Variants in NHEJ1 observed in about 807,000 individuals in gnomAD.
The protein encoded by NHEJ1 is non-homologous end joining factor 1, also known as non-homologous end-joining factor 1.
A neutral mutation model predicts 39.4 loss-of-function variants in NHEJ1; 22 were observed. That is an observed-to-expected ratio of 0.56 (90% confidence interval 0.40 to 0.80). The LOEUF is 0.80. NHEJ1 is among the 30% of genes least tolerant of loss of function. NHEJ1 has a pLI of 0.00. For missense variants in NHEJ1, 329 were observed against 357.1 expected (o/e 0.92, Z 0.63); for synonymous variants, 154 against 135.6 (o/e 1.14, Z -0.94).
chr2:219,127,491 C>T (rs1163676462), intron 5 of NHEJ1, among the ~76,000 whole-genome samples: 1 of 152,178 alleles, frequency 6.6e-6, no homozygotes. Context: ...CAGCAACCTC[C>T]AAAGAGGGCT....
chr2:219,136,893 G>A (rs1190743673), intron 5 of NHEJ1, among the ~76,000 whole-genome samples: 2 of 151,986 alleles, frequency 1.3e-5, no homozygotes, highest in Admixed American at 6.6e-5. Flanking sequence ...CTGAGCCACC[G>A]CACCTGGCCC....
chr2:219,089,407 A>C (rs1234079495), intron 5 of NHEJ1, among the ~76,000 whole-genome samples: 1 of 152,244 alleles, frequency 6.6e-6, no homozygotes, highest in East Asian at 1.9e-4. Context: ...GTTCTACCAT[A>C]AGAAGGAATA....
chr2:219,159,523 A>ATATG (rs1949893590), intron 1 of NHEJ1, among the ~76,000 whole-genome samples: 1 of 23,200 alleles, frequency 4.3e-5, no homozygotes, highest in Admixed American at 5.0e-4. Flanking sequence ...TTATATATAT[A>ATATG]TGCATATATA....
chr2:219,100,241 A>G (rs979290929), intron 5 of NHEJ1, among the ~76,000 whole-genome samples: 2 of 152,188 alleles, frequency 1.3e-5, no homozygotes, highest in Admixed American at 1.3e-4. Context: ...TCGACCAAAC[A>G]GATACAAATC....
intron 5 of NHEJ1, among the ~76,000 whole-genome samples, chr2:219,118,086 T>G (rs1481273558): frequency 6.6e-6 from 1 of 152,140 alleles, no homozygotes; most frequent in Admixed American, 6.5e-5. Flanking sequence ...AAAGATAATT[T>G]CCTAGGGGAG....
chr2:219,153,705 G>C (rs1292906337), intron 3 of NHEJ1, among the ~76,000 whole-genome samples: 16 of 114,824 alleles, frequency 1.4e-4, no homozygotes, highest in Admixed American at 3.7e-4. Flanking sequence ...GGGGGGGGGT[G>C]GAGAGAGAGA....
intron 5 of NHEJ1, among the ~76,000 whole-genome samples, chr2:219,127,899 ACTGGAAAATAAAC>A (rs1949540031): frequency 6.6e-6 from 1 of 152,226 alleles, no homozygotes; most frequent in Admixed American, 6.5e-5. Context: ...GAACCTTGGC[ACTGGAAAATAAAC>A]CTTTAGTCCA....
chr2:219,153,696 G>C lies in NHEJ1; in HGVS notation c.390+3776C>G, dbSNP rs913194964. 1.6e-4 allele frequency among the ~76,000 whole-genome samples: 21 copies of C among 128,590 alleles called. 4 individuals are homozygous for C. The highest frequency in any genetic ancestry group is 2.8e-4 in the Non-Finnish European group (16 of 56,392). 84.4% of individuals were successfully genotyped at this position (128,590 alleles called of 152,430 possible). A position where few individuals can be genotyped will look rare whatever the true frequency, so the allele number is the denominator to read the frequency against. ...CTCAAAAGAAAAAGAAAGAAAAGGG[G>C]GGGGGGGTGGAGAGAGAGAGAGAGA... On this transcript the variant is annotated intron_variant, in intron 3 of 7. Coordinates refer to ENST00000356853, the MANE Select transcript of NHEJ1 (RefSeq NM_024782.3).
In NHEJ1 at chr2:219,074,161, T is replaced by C. The variant is rs888590471; in HGVS notation, c.*2220A>G. ...CAACCTTTGGGGATGATGGGGGCAGTGGATGGAAGGTTACTAGCTATATTC... is the reference window on the plus strand; with the variant it reads ...CAACCTTTGGGGATGATGGGGGCAGCGGATGGAAGGTTACTAGCTATATTC... On this transcript the variant is annotated 3_prime_UTR_variant, in exon 8 of 8. Transcript: ENST00000356853. 1.3e-5 allele frequency among the ~76,000 whole-genome samples: 2 copies of C among 152,192 alleles called. No homozygotes were observed. The highest frequency in any genetic ancestry group is 4.8e-5 in the African/African-American group (2 of 41,428).
In NHEJ1 at chr2:219,074,718, G is replaced by C. The variant is rs867894644; in HGVS notation, c.*1663C>G. On this transcript the variant is annotated 3_prime_UTR_variant, in exon 8 of 8. Coordinates refer to ENST00000356853, the MANE Select transcript of NHEJ1 (RefSeq NM_024782.3). ...AATTGTGCGATTGTACTCCAGCCTA[G>C]GCAACAAGAGCAAGACTCCATTAAA... Among the ~76,000 whole-genome samples, 2 of 151,108 alleles carry C rather than the reference G, an allele frequency of 1.3e-5. No individual in the cohort carries two copies. Among genetic ancestry groups the C allele is most frequent in the Non-Finnish European group, 2.9e-5 (2 of 67,882 alleles).
chr2:219,097,531 C>T (rs549656792), intron 5 of NHEJ1, among the ~76,000 whole-genome samples: 1 of 152,294 alleles, frequency 6.6e-6, no homozygotes, highest in African/African-American at 2.4e-5. Context: ...AGAGATCCTC[C>T]TATCTTGGCC....
intron 3 of NHEJ1, among the ~76,000 whole-genome samples, chr2:219,148,901 GAGA>G (rs1311472430): frequency 6.9e-6 from 1 of 145,034 alleles, no homozygotes; most frequent in Non-Finnish European, 1.5e-5. Context: ...TTTTTTTTTT[GAGA>G]AGGAGTTTCG....
At chr2:219,140,816 G>A (rs1318042718) in intron 5 of NHEJ1, among the ~76,000 whole-genome samples, 1 of 152,206 alleles carries the variant, frequency 6.6e-6, no homozygotes, top group African/African-American at 2.4e-5. Flanking sequence ...CATCCACAAG[G>A]TGGTATTTAA....
At chr2:219,100,764 C>A (rs1434373357) in intron 5 of NHEJ1, among the ~76,000 whole-genome samples, 11 of 152,086 alleles carry the variant, frequency 7.2e-5, no homozygotes, top group Non-Finnish European at 1.5e-4. Context: ...GTAATCTGGA[C>A]CCACGAAGCT....
Position 219,074,243 on chromosome 2 carries a change from G to A in NHEJ1, c.*2138C>T, listed in dbSNP as rs1948991546. Reference sequence around the variant, plus strand: ...TTTTTGAGAACATCAACAAAATTTTGCTCTTAAGATTTTACCTACAATTTT... The same window carrying A: ...TTTTTGAGAACATCAACAAAATTTTACTCTTAAGATTTTACCTACAATTTT... On this transcript the variant is annotated 3_prime_UTR_variant, in exon 8 of 8. Coordinates refer to ENST00000356853, the MANE Select transcript of NHEJ1 (RefSeq NM_024782.3). Among the ~76,000 whole-genome samples, 1 of 152,134 alleles carries A rather than the reference G, an allele frequency of 6.6e-6. No individual in the cohort carries two copies. The highest frequency in any genetic ancestry group is 6.5e-5 in the Admixed American group (1 of 15,280).
intron 5 of NHEJ1, among the ~76,000 whole-genome samples, chr2:219,104,252 T>C (rs1949294137): frequency 6.6e-6 from 1 of 152,084 alleles, no homozygotes; most frequent in South Asian, 2.1e-4. Context: ...AGGTACAGAC[T>C]GAAGGAAAAA....
chr2:219,136,965 A>T (rs555784481), intron 5 of NHEJ1, among the ~76,000 whole-genome samples: 34 of 152,054 alleles, frequency 2.2e-4, no homozygotes, highest in East Asian at 1.9e-3. Context: ...CAATTTTTTT[A>T]AAAAATTACT....
intron 3 of NHEJ1, among the ~76,000 whole-genome samples, chr2:219,156,782 T>C (rs1949859008): frequency 6.6e-6 from 1 of 152,248 alleles, no homozygotes; most frequent in Admixed American, 6.5e-5. Flanking sequence ...CACTGGTACA[T>C]ATTCTATTCT....
chr2:219,085,278 A>T (rs1384310579), intron 5 of NHEJ1, among the ~76,000 whole-genome samples: 1 of 152,122 alleles, frequency 6.6e-6, no homozygotes, highest in African/African-American at 2.4e-5. Flanking sequence ...CCTCATTTCA[A>T]ATTTTCCACA....
Sources: gnomAD v4.1 joint callset for allele counts (sites outside exome capture counted in the v4.1 genomes callset) on GRCh38, gnomAD v4.1.1 for gene constraint, MANE v1.5 for transcripts, NCBI Gene and HGNC (gene_info 2026-07-23, HGNC 2026-07-21) for gene names.